The following PIKFYVE variants were observed in gnomAD, a reference collection of about 807,000 sequenced individuals.
PIKFYVE encodes 1-phosphatidylinositol 3-phosphate 5-kinase.
PIKFYVE carries 122 observed loss-of-function variants against 257.9 expected under a neutral mutation model. The ratio of observed to expected loss-of-function variants is 0.47; its 90% CI spans 0.41 to 0.55. PIKFYVE has a LOEUF of 0.55. Among genes scored for constraint, PIKFYVE ranks in the 20% least tolerant of loss-of-function variants. The pLI is 0.00. For synonymous variants in PIKFYVE, 892 were observed against 868.9 expected (o/e 1.03, Z -0.47); for missense variants, 2,160 against 2,536.6 (o/e 0.85, Z 3.19).
At position 208,345,180 on chromosome 2, in the gene PIKFYVE, G is replaced by C; in HGVS notation, c.5097G>C (p.Gly1699=). The C allele has an allele frequency of 6.2e-7, 1 of 1,610,006 alleles. No individual in the cohort carries two copies. The highest frequency in any genetic ancestry group is 1.1e-5 in the South Asian group (1 of 90,940). ...KATQWNSAEE[G]LPTNSTSDSR... is the part of the protein sequence containing the mutation. The stretch of plus-strand genomic sequence containing the variant: ...CTCAGTGGAACAGTGCCGAAGAAGG[G>C]CTTCCAACAAATAGGTGATTCATGA... The change falls in exon 33 of 42, where the codon GGG becomes GGC. Residue 1699 remains glycine (G), a synonymous_variant. Transcript: ENST00000264380.
intron 18 of PIKFYVE, among the ~76,000 whole-genome samples, chr2:208,324,572 T>C (rs1392822971): frequency 6.6e-6 from 1 of 152,126 alleles, no homozygotes. Flanking sequence ...GGAGAATTGC[T>C]CAAGCAGAAG....
Position 208,285,890 on chromosome 2 carries a change from G to A in PIKFYVE, c.778G>A (p.Ala260Thr). The A allele has an allele frequency of 6.2e-7, 1 of 1,614,058 alleles. No homozygotes were observed. Among genetic ancestry groups the A allele is most frequent in the Non-Finnish European group, 8.5e-7 (1 of 1,180,020 alleles). ...CCGAACACCTGTTGGGAGTAGGAAA[G>A]CCAGCCGTAACATATTTTTAGAGGA... ...EPRTPVGSRK[A>T]SRNIFLEDDL... is the part of the protein sequence containing the mutation. Residue 260 changes from alanine to threonine, a missense_variant, in exon 6 of 42, where the codon GCC becomes ACC. Transcript: ENST00000264380.
At chr2:208,269,373 C>T (rs1559378946) in intron 1 of PIKFYVE, 3 of 201,368 alleles carry the variant, frequency 1.5e-5, no homozygotes, top group Admixed American at 5.0e-5. Flanking sequence ...GGAAGGCCTC[C>T]TAGTTGATGC....
intron 11 of PIKFYVE, among the ~76,000 whole-genome samples, chr2:208,304,628 A>C (rs1229507614): frequency 6.6e-6 from 1 of 152,174 alleles, no homozygotes; most frequent in Non-Finnish European, 1.5e-5. Context: ...AGAACCTCCA[A>C]TATATTTCTT....
At chr2:208,337,016 G>A (rs1014451182) in intron 28 of PIKFYVE, 88 bp downstream of exon 28, 47 of 918,266 alleles carry the variant, frequency 5.1e-5, no homozygotes, top group Admixed American at 2.2e-4. Context: ...AGTTTAATAT[G>A]TACTTTAGTA....
In PIKFYVE at chr2:208,285,915, A is replaced by G. The variant is rs1484431307; in HGVS notation, c.803A>G (p.Asp268Gly). The G allele has an allele frequency of 6.2e-7, 1 of 1,614,090 alleles. No individual in the cohort carries two copies. Among genetic ancestry groups the G allele is most frequent in the South Asian group, 1.1e-5 (1 of 91,082 alleles). ...GCCAGCCGTAACATATTTTTAGAGG[A>G]TGATTTGGCCTGGCAAAGGTATTGT... ...RKASRNIFLE[D>G]DLAWQSLIHP... Residue 268 changes from aspartate to glycine, a missense_variant, in exon 6 of 42, where the codon GAT (aspartate) becomes GGT (glycine). This residue lies in a region of PIKFYVE where 187 missense variants were observed against 185.6 expected (regional missense o/e 1.01). Transcript: ENST00000264380.
In PIKFYVE at chr2:208,305,024, G is replaced by A; in HGVS notation, c.1636+11G>A. The A allele has an allele frequency of 6.2e-7, 1 of 1,614,000 alleles. No individual in the cohort carries two copies. Among genetic ancestry groups the A allele is most frequent in the Non-Finnish European group, 8.5e-7 (1 of 1,179,972 alleles). ...CTGCTGACCAAAAAGGTAGGAGGTAGTCACCATCTGGAATCCAAACACAGG... is the reference window on the plus strand; with the variant it reads ...CTGCTGACCAAAAAGGTAGGAGGTAATCACCATCTGGAATCCAAACACAGG... On this transcript the variant is annotated intron_variant, in intron 12 of 41. Transcript: ENST00000264380.
chr2:208,351,676 TC>T (rs1226429217), intron 38 of PIKFYVE, among the ~76,000 whole-genome samples: 1 of 152,026 alleles, frequency 6.6e-6, no homozygotes, highest in Non-Finnish European at 1.5e-5. Flanking sequence ...AAGCTTACAG[TC>T]ATGGTGGAAG....
chr2:208,310,423 A>G (rs980814367), intron 12 of PIKFYVE, among the ~76,000 whole-genome samples: 2 of 152,130 alleles, frequency 1.3e-5, no homozygotes, highest in South Asian at 4.1e-4. Context: ...AGAAAACCCT[A>G]TTTTCAGAAG....
chr2:208,298,914 C>A, intron 8 of PIKFYVE, 135 bp downstream of exon 8: 2 of 1,111,986 alleles, frequency 1.8e-6, no homozygotes, highest in Non-Finnish European at 2.6e-6. Flanking sequence ...GTGATCTTGG[C>A]TCCCTGCAAC....
At chr2:208,294,603 T>G (rs900086407) in intron 7 of PIKFYVE, among the ~76,000 whole-genome samples, 1 of 152,180 alleles carries the variant, frequency 6.6e-6, no homozygotes, top group Non-Finnish European at 1.5e-5. Flanking sequence ...GGTGAGCCTG[T>G]GCCCCTGAAC....
chr2:208,336,811 A>G, intron 27 of PIKFYVE, 27 bp from the exon 28 acceptor site: 1 of 1,460,150 alleles, frequency 6.8e-7, no homozygotes, highest in Non-Finnish European at 9.6e-7. Flanking sequence ...AACCATATAT[A>G]TATATATTTT....
At chr2:208,355,073 C>T in intron 41 of PIKFYVE, 117 bp from the exon 42 acceptor site, 2 of 802,586 alleles carry the variant, frequency 2.5e-6, no homozygotes, top group Non-Finnish European at 4.3e-6. Flanking sequence ...CCCACTCAGA[C>T]TGCTTCTGCA....
At chr2:208,279,042 C>G (rs568163967) in intron 5 of PIKFYVE, among the ~76,000 whole-genome samples, 1 of 152,288 alleles carries the variant, frequency 6.6e-6, no homozygotes, top group East Asian at 1.9e-4. Flanking sequence ...TAAGCATTCT[C>G]TTTTCTCTGC....
At chr2:208,315,076 T>TA (rs1559108352) in intron 14 of PIKFYVE, 117 bp from the exon 15 acceptor site, 1 of 962,464 alleles carries the variant, frequency 1.0e-6, no homozygotes, top group Non-Finnish European at 1.6e-6. Context: ...TAGAAAATCT[T>TA]ATCTGTGAGC....
chr2:208,322,374 T>TAA (rs11471825), intron 17 of PIKFYVE, among the ~76,000 whole-genome samples: 3,488 of 97,722 alleles, frequency 0.036, 98 homozygotes, highest in Middle Eastern at 0.046. Flanking sequence ...CCCTGTCTCT[T>TAA]AAAAAAAAAA....
At chr2:208,288,634 A>G in intron 6 of PIKFYVE, 95 bp from the exon 7 acceptor site, 1 of 1,542,298 alleles carries the variant, frequency 6.5e-7, no homozygotes, top group Non-Finnish European at 8.8e-7. Flanking sequence ...TATTGCAAGG[A>G]AAAAGATTAA....
Position 208,336,864 on chromosome 2 carries a change from A to G in PIKFYVE, c.4547A>G (p.Lys1516Arg). The G allele has an allele frequency of 6.2e-7, 1 of 1,612,778 alleles. No homozygotes were observed. Among genetic ancestry groups the G allele is most frequent in the Non-Finnish European group, 8.5e-7 (1 of 1,179,152 alleles). The change falls in exon 28 of 42, where the codon AAG becomes AGG. Residue 1516 changes from lysine (K) to arginine (R), a missense_variant. Lys to Arg is a conservative substitution (Grantham distance 26). Coordinates refer to ENST00000264380, the MANE Select transcript of PIKFYVE (RefSeq NM_015040.4). Reference sequence around the variant, plus strand: ...TTGCAGGACCTTTTCCAACAGGAAAAGGGTAGAAAGAGACCTTCAGTTCCT... The same window carrying G: ...TTGCAGGACCTTTTCCAACAGGAAAGGGGTAGAAAGAGACCTTCAGTTCCT... ...NRLQDLFQQEKGRKRPSVPPS... is the reference protein window; with the variant it reads ...NRLQDLFQQERGRKRPSVPPS...
At chr2:208,268,473 G>A (rs1373386787) in intron 1 of PIKFYVE, among the ~76,000 whole-genome samples, 5 of 127,506 alleles carry the variant, frequency 3.9e-5, no homozygotes, top group East Asian at 2.3e-4. Flanking sequence ...ATGAAGTCTC[G>A]CTATGTTGAC....
Sources: gnomAD v4.1 joint callset for allele counts (sites outside exome capture counted in the v4.1 genomes callset) on GRCh38, gnomAD v4.1.1 for gene constraint, gnomAD v4.1.1 regional missense constraint, MANE v1.5 for transcripts, NCBI Gene and HGNC (gene_info 2026-07-23, HGNC 2026-07-21) for gene names.